PACC1: variants seen among roughly 807,000 people sequenced by gnomAD.
PACC1 encodes the protein proton activated chloride channel 1.
A neutral mutation model predicts 39.7 loss-of-function variants in PACC1; 34 were observed. That is an observed-to-expected ratio of 0.86 (90% CI 0.65 to 1.14). The LOEUF is 1.14. Among genes scored for constraint, PACC1 ranks in the 50% most tolerant of loss-of-function variants. The pLI, the probability that PACC1 is intolerant of heterozygous loss-of-function variation, is 0.00. For missense variants in PACC1, 379 were observed against 436.4 expected (o/e 0.87, Z 1.17); for synonymous variants, 127 against 160.6 (o/e 0.79, Z 1.58).
intron 1 of PACC1, among the ~76,000 whole-genome samples, chr1:212,413,668 A>C (rs1462412817): frequency 6.6e-6 from 1 of 152,174 alleles, no homozygotes; most frequent in East Asian, 1.9e-4. Context: ...AGGTAATGGG[A>C]GACATGGCTG....
chr1:212,396,912 A>G (rs1349756259), intron 2 of PACC1, among the ~76,000 whole-genome samples: 1 of 152,038 alleles, frequency 6.6e-6, no homozygotes, highest in African/African-American at 2.4e-5. Context: ...TGGAGGCCAG[A>G]AGACAATGGA....
At position 212,386,753 on chromosome 1, in the gene PACC1, C is replaced by G. The variant is rs1403239554; in HGVS notation, c.343+138G>C. Reference sequence around the variant, plus strand: ...CCAACAGCAGCTCCTTGGGCATAGACTCTATACCTAGACTATGCTTGGTTG... The same window carrying G: ...CCAACAGCAGCTCCTTGGGCATAGAGTCTATACCTAGACTATGCTTGGTTG... On this transcript the variant is annotated intron_variant, in intron 3 of 7. Transcript: ENST00000261455. The surrounding 1 kb of genome is among the most constrained non-coding windows in gnomAD (Gnocchi z 5.0). 1.2e-6 allele frequency: 1 copy of G among 814,656 alleles called. No individual in the cohort carries two copies. The highest frequency in any genetic ancestry group is 2.4e-5 in the East Asian group (1 of 41,068). The allele number at this position is 814,656 out of a possible 1,614,324, so 50.5% of individuals were successfully genotyped here. A position where few individuals can be genotyped will look rare whatever the true frequency, so the allele number is the denominator to read the frequency against.
intron 5 of PACC1, among the ~76,000 whole-genome samples, chr1:212,378,037 T>C (rs1490591902): frequency 2.6e-5 from 4 of 152,150 alleles, no homozygotes; most frequent in African/African-American, 7.2e-5. Flanking sequence ...GGCAATGAAG[T>C]TGGCAGAAGC....
In PACC1 at chr1:212,414,821, T is replaced by C; in HGVS notation, c.-64A>G. 3.8e-6 allele frequency: 6 copies of C among 1,596,156 alleles called. No individual in the cohort carries two copies. The South Asian group carries it at 5.5e-5, about 15-fold the overall frequency. ...AGCCCGCGGCGCACGGACGCAGCAC[T>C]GCGGCCGCTGCACCTGGACCTACCG... is the stretch of plus-strand genomic sequence containing the variant. On this transcript the variant is annotated 5_prime_UTR_variant, in exon 1 of 8. Coordinates refer to ENST00000261455, the MANE Select transcript of PACC1 (RefSeq NM_018252.3).
rs190812540 is a variant in PACC1 at position 212,380,653 on chromosome 1, C to T, written c.496-616G>A. 2.2e-3 allele frequency among the ~76,000 whole-genome samples: 341 copies of T among 152,292 alleles called. 4 individuals carry two copies. The highest frequency in any genetic ancestry group is 2.0e-3 in the Non-Finnish European group (138 of 68,024). On this transcript the variant is annotated intron_variant, in intron 4 of 7. Coordinates refer to ENST00000261455, the MANE Select transcript of PACC1 (RefSeq NM_018252.3). ...AAGCCTCTTCCCCTCCCTCCTTTAT[C>T]CTATACTAAATTCCATGCAGAACCA... is the stretch of plus-strand genomic sequence containing the variant.
At chr1:212,391,027 C>T (rs987607975) in intron 2 of PACC1, among the ~76,000 whole-genome samples, 5 of 152,196 alleles carry the variant, frequency 3.3e-5, no homozygotes, top group Admixed American at 6.5e-5. Context: ...AGGGCATAGC[C>T]GAACAAAAGG....
At chr1:212,398,793 TTAC>T (rs1413806333) in intron 2 of PACC1, among the ~76,000 whole-genome samples, 6 of 152,204 alleles carry the variant, frequency 3.9e-5, no homozygotes, top group Non-Finnish European at 7.3e-5. Context: ...CTGCTCCACT[TTAC>T]TAAGTCCTTC....
chr1:212,408,756 T>C lies in PACC1; in HGVS notation c.133+1669A>G, dbSNP rs146971813. Among the ~76,000 whole-genome samples the C allele has an allele frequency of 2.4e-3, 361 of 152,350 alleles. 3 individuals carry two copies. The highest frequency in any genetic ancestry group is 8.2e-3 in the African/African-American group (339 of 41,580). ...AAACAGATGGGATCCATCCAAGAAGTTGAAGTCAGGCTGGGGCTTCATTCA... is the reference window on the plus strand; with the variant it reads ...AAACAGATGGGATCCATCCAAGAAGCTGAAGTCAGGCTGGGGCTTCATTCA... On this transcript the variant is annotated intron_variant, in intron 2 of 7. Coordinates refer to ENST00000261455, the MANE Select transcript of PACC1 (RefSeq NM_018252.3).
chr1:212,383,337 C>G (rs928966044), intron 4 of PACC1, among the ~76,000 whole-genome samples: 4 of 152,212 alleles, frequency 2.6e-5, no homozygotes, highest in African/African-American at 9.7e-5. Context: ...TAAGCATACA[C>G]TTCAACTGGG....
chr1:212,380,082 C>G (rs2102486053), intron 4 of PACC1, 45 bp from the exon 5 acceptor site: 2 of 1,600,708 alleles, frequency 1.2e-6, no homozygotes, highest in South Asian at 1.1e-5. Context: ...GGAGAGTACA[C>G]AGAGGCCTCT....
intron 6 of PACC1, 60 bp downstream of exon 6, chr1:212,377,502 A>C: frequency 1.9e-6 from 3 of 1,603,602 alleles, no homozygotes; most frequent in Non-Finnish European, 2.6e-6. Context: ...GCTTCCCTCC[A>C]CCTCAGACTC....
At chr1:212,414,088 G>A (rs1009070256) in intron 1 of PACC1, 19 of 1,529,650 alleles carry the variant, frequency 1.2e-5, no homozygotes, top group African/African-American at 5.5e-5. Context: ...AGCCTGCAGC[G>A]CAGGACAGAG....
At chr1:212,403,266 G>T (rs1473000339) in intron 2 of PACC1, among the ~76,000 whole-genome samples, 1 of 152,188 alleles carries the variant, frequency 6.6e-6, no homozygotes, top group African/African-American at 2.4e-5. Flanking sequence ...CTGCACGTTT[G>T]GGTGCTTAAC....
Position 212,393,168 on chromosome 1 carries a change from T to C in PACC1, c.134-6068A>G, listed in dbSNP as rs571399103. 8.0e-3 allele frequency among the ~76,000 whole-genome samples: 1,215 copies of C among 152,272 alleles called. 18 individuals carry two copies. Among genetic ancestry groups the C allele is most frequent in the African/African-American group, 0.028 (1,145 of 41,552 alleles). On this transcript the variant is annotated intron_variant, in intron 2 of 7. Transcript: ENST00000261455. ...GCACCACACCACACCTATTCCAAAA[T>C]TGACCACATAGTTGGAAGTAAAGCT... is the stretch of plus-strand genomic sequence containing the variant.
rs1381361746 is a variant in PACC1 at position 212,385,520 on chromosome 1, A to G, written c.344-95T>C. On this transcript the variant is annotated intron_variant, in intron 3 of 7. Coordinates refer to ENST00000261455, the MANE Select transcript of PACC1 (RefSeq NM_018252.3). The stretch of plus-strand genomic sequence containing the variant: ...CACCTACCAACAACCTACGTTCTGG[A>G]CTCCCTGGAGGACTGCAGGGAAGGG... 9 of 1,364,818 alleles carry G rather than the reference A, an allele frequency of 6.6e-6. No homozygotes were observed. In the African/African-American group the frequency reaches 1.3e-4, roughly 20 times the overall value. 84.5% of individuals were successfully genotyped at this position (1,364,818 alleles called of 1,614,324 possible).
chr1:212,387,170 T>C, intron 2 of PACC1, 70 bp from the exon 3 acceptor site: 1 of 1,512,780 alleles, frequency 6.6e-7, no homozygotes. Flanking sequence ...GCCAGCAACC[T>C]CCAGGCCCTT....
At chr1:212,381,676 AGACACACACACACACACTG>A (rs1483110700) in intron 4 of PACC1, among the ~76,000 whole-genome samples, 25 of 98,864 alleles carry the variant, frequency 2.5e-4, no homozygotes, top group Middle Eastern at 6.8e-3. Context: ...GCATGTGCAC[AGACACACACACACACACTG>A]CACACACACA....
intron 4 of PACC1, among the ~76,000 whole-genome samples, chr1:212,380,352 T>C (rs1483174141): frequency 6.6e-6 from 1 of 152,248 alleles, no homozygotes; most frequent in Non-Finnish European, 1.5e-5. Flanking sequence ...TTTCTTCCAG[T>C]CTGTCATTTT....
chr1:212,406,936 T>C (rs1200196705), intron 2 of PACC1, among the ~76,000 whole-genome samples: 1 of 152,200 alleles, frequency 6.6e-6, no homozygotes, highest in South Asian at 2.1e-4. Flanking sequence ...CTCCTCTTCT[T>C]TCTCCTGCCT....
Sources: gnomAD v4.1 joint callset for allele counts (sites outside exome capture counted in the v4.1 genomes callset) on GRCh38, gnomAD v4.1.1 for gene constraint, Gnocchi (gnomAD v3.1) non-coding constraint, MANE v1.5 for transcripts, NCBI Gene and HGNC (gene_info 2026-07-23, HGNC 2026-07-21) for gene names.